The following INTS6 variants were observed in gnomAD, a reference collection of about 807,000 sequenced individuals.
INTS6 encodes integrator complex subunit 6.
INTS6 carries 16 observed loss-of-function variants against 104.9 expected under a neutral mutation model. The observed-to-expected ratio is 0.15, with a 90% CI of 0.10 to 0.23. The LOEUF (loss-of-function observed/expected upper bound fraction) is 0.23. Ranked by LOEUF, INTS6 falls within the 10% of genes least tolerant of loss-of-function variation. INTS6 has a pLI of 1.00. For missense variants in INTS6, 584 were observed against 1,062.8 expected, an observed-to-expected ratio of 0.55 and a Z score of 6.26; for synonymous variants, 324 against 358.7, an observed-to-expected ratio of 0.90 and a Z score of 1.09.
chr13:51,423,369 C>T (rs1278708501), intron 4 of INTS6, among the ~76,000 whole-genome samples: 1 of 151,810 alleles, frequency 6.6e-6, no homozygotes, highest in Non-Finnish European at 1.5e-5. Context: ...ATGCTAATTA[C>T]ATGGACATCC....
rs1268897836 is a variant in INTS6, at chr13:51,430,162, A to G, written c.429+132T>C. The G allele has an allele frequency of 1.7e-5, 12 of 701,792 alleles. No homozygotes were observed. The Admixed American group carries it at 1.9e-4, about 11-fold the overall frequency. 43.5% of individuals were successfully genotyped at this position (701,792 alleles called of 1,614,324 possible). On this transcript the variant is annotated intron_variant, in intron 4 of 17. Coordinates refer to ENST00000311234, the MANE Select transcript of INTS6 (RefSeq NM_012141.3). Reference sequence around the variant, plus strand: ...ACACTGCTACAAACAAAGATGGGCCATAGGAGACAGATGACTCTAAATTGC... The same window carrying G: ...ACACTGCTACAAACAAAGATGGGCCGTAGGAGACAGATGACTCTAAATTGC...
chr13:51,452,396 G>A lies in INTS6; in HGVS notation c.111+19C>T, dbSNP rs763291623. The A allele has an allele frequency of 1.3e-6, 2 of 1,544,562 alleles. No homozygotes were observed. The highest frequency in any genetic ancestry group is 2.7e-5 in the East Asian group (1 of 37,388). Reference sequence around the variant, plus strand: ...GGCCGCCGGGCCGGGGTCGCCGCCCGGGCTCGGTCAGTCGGTACCTTCATG... The same window carrying A: ...GGCCGCCGGGCCGGGGTCGCCGCCCAGGCTCGGTCAGTCGGTACCTTCATG... On this transcript the variant is annotated intron_variant, in intron 1 of 17. Coordinates refer to ENST00000311234, the MANE Select transcript of INTS6 (RefSeq NM_012141.3). This position sits in a 1 kb window ranked among gnomAD's most constrained non-coding sequence, Gnocchi z 4.2.
In INTS6 at chr13:51,374,399, G is replaced by C; in HGVS notation, c.1913C>G (p.Pro638Arg). Residue 638 changes from proline (P) to arginine (R), a missense_variant, in exon 15 of 18, where the codon CCT (proline) becomes CGT (arginine). Transcript: ENST00000311234. ...IDEADEFVAG[P>R]QNKHKRPGEP... ...TCCGGGTCGTTTATGTTTATTTTGA[G>C]GTCCAGCCACAAATTCATCTGCTTC... 6.5e-7 allele frequency: 1 copy of C among 1,535,530 alleles called. No homozygotes were observed.
chr13:51,345,121 T>C, the INTS6 span, among the ~76,000 whole-genome samples: 3 of 152,154 alleles, frequency 2.0e-5, no homozygotes, highest in Non-Finnish European at 4.4e-5. Flanking sequence ...CTGCTCCCAG[T>C]TGATTGTCTC....
chr13:51,441,532 A>G (rs535039847), intron 3 of INTS6: 2 of 152,274 alleles, frequency 1.3e-5, no homozygotes, highest in East Asian at 3.9e-4. Flanking sequence ...AATTTTCAAA[A>G]CTACCTTAAG....
At chr13:51,440,346 T>A (rs1266188406) in intron 3 of INTS6, 1 of 152,268 alleles carries the variant, frequency 6.6e-6, no homozygotes, top group East Asian at 1.9e-4. Context: ...TATGTTTGTA[T>A]CTTAAATCTT....
At chr13:51,410,928 G>A (rs1319868361) in intron 4 of INTS6, among the ~76,000 whole-genome samples, 1 of 151,992 alleles carries the variant, frequency 6.6e-6, no homozygotes, top group Non-Finnish European at 1.5e-5. Context: ...ATAAGCACAT[G>A]GAGCTGGGCA....
intron 4 of INTS6, among the ~76,000 whole-genome samples, chr13:51,420,585 G>A (rs149380295): frequency 1.3e-5 from 2 of 151,952 alleles, no homozygotes; most frequent in African/African-American, 2.4e-5. Context: ...AATAAAATAC[G>A]AGCTACATAA....
chr13:51,377,378 T>A (rs1955955148), intron 12 of INTS6, among the ~76,000 whole-genome samples: 1 of 152,288 alleles, frequency 6.6e-6, no homozygotes, highest in Non-Finnish European at 1.5e-5. Context: ...ATTCAATTTA[T>A]CAACATTTTT....
chr13:51,351,957 A>T (rs1450671379), downstream of INTS6, among the ~76,000 whole-genome samples: 1 of 149,502 alleles, frequency 6.7e-6, no homozygotes, highest in Non-Finnish European at 1.5e-5. Flanking sequence ...ATAAATGTCT[A>T]AGTTTATTTC....
intron 13 of INTS6, among the ~76,000 whole-genome samples, chr13:51,375,263 A>G (rs1955896480): frequency 6.6e-6 from 1 of 151,742 alleles, no homozygotes; most frequent in Non-Finnish European, 1.5e-5. Flanking sequence ...TAAGGAGGAG[A>G]ATCGCTTGAA....
At chr13:51,339,630 C>T in the INTS6 span, 1 of 152,364 alleles carries the variant, frequency 6.6e-6, no homozygotes, top group East Asian at 1.9e-4. Context: ...TCTGTGCTGT[C>T]TTGTGATTCA....
rs1018720017 is a variant in INTS6 at position 51,452,812 on chromosome 13, C to G, written c.-287G>C. ...CGTCTGTCTGTCGGTTCGTCCCCCC[C>G]GCCTCGGGGGTCCCGTCCCCGCTCC... On this transcript the variant is annotated 5_prime_UTR_variant, in exon 1 of 18. Coordinates refer to ENST00000311234, the MANE Select transcript of INTS6 (RefSeq NM_012141.3). This position sits in a 1 kb window ranked among gnomAD's most constrained non-coding sequence, Gnocchi z 4.2. 2 of 1,177,256 alleles carry G rather than the reference C, an allele frequency of 1.7e-6. No individual in the cohort carries two copies. The highest frequency in any genetic ancestry group is 1.4e-4 in the East Asian group (2 of 14,548). The allele number at this position is 1,177,256 out of a possible 1,614,324, so 72.9% of individuals were successfully genotyped here. A position where few individuals can be genotyped will look rare whatever the true frequency, so the allele number is the denominator to read the frequency against.
At chr13:51,340,964 C>A in the INTS6 span, 1 of 1,056,430 alleles carries the variant, frequency 9.5e-7, no homozygotes, top group Non-Finnish European at 1.4e-6. Flanking sequence ...TCTCCCTCAG[C>A]CGTCCCTAGC....
intron 4 of INTS6, among the ~76,000 whole-genome samples, chr13:51,395,905 C>T (rs1423548903): frequency 6.6e-6 from 1 of 152,182 alleles, no homozygotes; most frequent in Non-Finnish European, 1.5e-5. Context: ...TCAAGCAATT[C>T]TCCTGCCTCA....
intron 15 of INTS6, among the ~76,000 whole-genome samples, chr13:51,372,784 T>G (rs2137878839): frequency 6.6e-6 from 1 of 152,360 alleles, no homozygotes; most frequent in East Asian, 1.9e-4. Context: ...CAAATACATA[T>G]TCTTCTTGAA....
At chr13:51,433,242 G>C (rs535040043) in intron 3 of INTS6, among the ~76,000 whole-genome samples, 3 of 152,158 alleles carry the variant, frequency 2.0e-5, no homozygotes, top group Non-Finnish European at 4.4e-5. Context: ...TCAGGACTGC[G>C]AGACCAGTCT....
intron 4 of INTS6, among the ~76,000 whole-genome samples, chr13:51,412,733 C>T (rs749029229): frequency 2.0e-5 from 3 of 152,216 alleles, no homozygotes; most frequent in Non-Finnish European, 4.4e-5. Context: ...ACTTGGCACA[C>T]ATTTCACAAC....
chr13:51,387,153 T>C (rs1319075284), intron 7 of INTS6, among the ~76,000 whole-genome samples: 10 of 152,186 alleles, frequency 6.6e-5, no homozygotes, highest in Non-Finnish European at 1.2e-4. Context: ...ATCGCAAGCA[T>C]AGTATTAGAT....
Sources: gnomAD v4.1 joint callset for allele counts (sites outside exome capture counted in the v4.1 genomes callset) on GRCh38, gnomAD v4.1.1 for gene constraint, Gnocchi (gnomAD v3.1) non-coding constraint, MANE v1.5 for transcripts, NCBI Gene and HGNC (gene_info 2026-07-23, HGNC 2026-07-21) for gene names.